Variants in DYNC2H1 observed in about 807,000 individuals in gnomAD.
DYNC2H1 encodes the protein cytoplasmic dynein 2 heavy chain 1.
DYNC2H1 carries 410 observed loss-of-function variants against 570.0 expected under a neutral mutation model. The ratio of observed to expected loss-of-function variants is 0.72; its 90% CI spans 0.66 to 0.78. DYNC2H1 has a LOEUF of 0.78. Ranked by LOEUF, DYNC2H1 falls within the 30% of genes least tolerant of loss-of-function variation. The probability of loss-of-function intolerance (pLI) is 0.00; values close to 1 mark genes in which losing one functional copy is unlikely to be tolerated. For synonymous variants in DYNC2H1, 1,688 were observed against 1,677.6 expected (o/e 1.01, Z -0.15); for missense variants, 4,865 against 5,046.4 (o/e 0.96, Z 1.09).
At chr11:103,329,780 T>C (rs544468901) in intron 82 of DYNC2H1, among the ~76,000 whole-genome samples, 1 of 152,296 alleles carries the variant, frequency 6.6e-6, no homozygotes, top group South Asian at 2.1e-4. Context: ...TTAATGAATA[T>C]TGCTTTTGTT....
At chr11:103,208,286 A>G (rs1863015619) in intron 52 of DYNC2H1, among the ~76,000 whole-genome samples, 1 of 152,170 alleles carries the variant, frequency 6.6e-6, no homozygotes, top group African/African-American at 2.4e-5. Flanking sequence ...AAAGAGTGAC[A>G]GTGAGCCAAG....
Position 103,235,786 on chromosome 11 carries a change from G to A in DYNC2H1, c.9682G>A (p.Glu3228Lys). Residue 3228 changes from glutamate (E) to lysine (K), a missense_variant, in exon 62 of 89, where the codon GAA becomes AAA. Physicochemically the swap from Glu to Lys is moderately conservative, Grantham distance 56. Coordinates refer to ENST00000375735, the MANE Select transcript of DYNC2H1 (RefSeq NM_001377.3). ...PESLRKTCLE[E>K]WTKSAGLEKF... The stretch of plus-strand genomic sequence containing the variant: ...ATCTCTGAGAAAAACCTGTTTGGAA[G>A]AATGGACCAAGTCAGCTGGTCTTGA... 6.2e-7 allele frequency: 1 copy of A among 1,611,564 alleles called. No individual in the cohort carries two copies.
chr11:103,159,300 G>A (rs1411173843), intron 28 of DYNC2H1, among the ~76,000 whole-genome samples: 1 of 152,134 alleles, frequency 6.6e-6, no homozygotes, highest in Admixed American at 6.5e-5. Context: ...GCATCATGAA[G>A]TAAGTGACAT....
rs760266508 is a variant in DYNC2H1 at position 103,255,483 on chromosome 11, G to A, written c.10275G>A (p.Gln3425=). 6.4e-6 allele frequency: 10 copies of A among 1,567,118 alleles called. No individual in the cohort carries two copies. The South Asian group carries it at 1.2e-4, about 18-fold the overall frequency. ...LEEQKTKLLQ[Q]EEDKKIQLAK... ...AACAGAAAACAAAACTATTACAACA[G>A]GAAGAAGATAAGAAAATACAGCTAG... Residue 3425 remains glutamine, a synonymous_variant, in exon 67 of 89, where the codon CAG becomes CAA. Coordinates refer to ENST00000375735, the MANE Select transcript of DYNC2H1 (RefSeq NM_001377.3).
At chr11:103,419,475 G>T (rs1274536552) in intron 84 of DYNC2H1, among the ~76,000 whole-genome samples, 1 of 151,984 alleles carries the variant, frequency 6.6e-6, no homozygotes, top group Non-Finnish European at 1.5e-5. Context: ...CACTGGTGAT[G>T]CCTCCAGATA....
At position 103,261,257 on chromosome 11, in the gene DYNC2H1, G is replaced by T. The variant is rs1865269203; in HGVS notation, c.10695+1280G>T. 6.7e-6 allele frequency among the ~76,000 whole-genome samples: 1 copy of T among 150,218 alleles called. No individual in the cohort carries two copies. Among genetic ancestry groups the T allele is most frequent in the Admixed American group, 6.6e-5 (1 of 15,156 alleles). ...ACAGAGCAGCTGGGGGGAAGGGGTG[G>T]CTGTGGGCGCAGCATCAGCAGACTT... On this transcript the variant is annotated intron_variant, in intron 70 of 88. Transcript: ENST00000375735. The surrounding 1 kb of genome is among the most constrained non-coding windows in gnomAD (Gnocchi z 4.8).
At chr11:103,110,525 C>CA (rs1175546415) in intron 1 of DYNC2H1, among the ~76,000 whole-genome samples, 1 of 151,384 alleles carries the variant, frequency 6.6e-6, no homozygotes, top group African/African-American at 2.4e-5. Context: ...TGATATATTT[C>CA]AAAATAAAGT....
chr11:103,229,211 C>G (rs973289630), intron 59 of DYNC2H1, among the ~76,000 whole-genome samples: 2 of 152,156 alleles, frequency 1.3e-5, no homozygotes, highest in Admixed American at 1.3e-4. Flanking sequence ...TCTCAGGGAG[C>G]CTGCAGTGGT....
intron 87 of DYNC2H1, among the ~76,000 whole-genome samples, chr11:103,458,644 T>G (rs1030698882): frequency 1.4e-5 from 2 of 146,004 alleles, no homozygotes; most frequent in East Asian, 4.1e-4. Context: ...TCTTTCGTAG[T>G]ACAAATTTTT....
rs1185528825 is a variant in DYNC2H1 at position 103,252,502 on chromosome 11, C to T, written c.10043-783C>T. 1.3e-5 allele frequency among the ~76,000 whole-genome samples: 2 copies of T among 152,106 alleles called. No homozygotes were observed. Among genetic ancestry groups the T allele is most frequent in the African/African-American group, 4.8e-5 (2 of 41,434 alleles). On this transcript the variant is annotated intron_variant, in intron 65 of 88. Coordinates refer to ENST00000375735, the MANE Select transcript of DYNC2H1 (RefSeq NM_001377.3). The surrounding 1 kb of genome is among the most constrained non-coding windows in gnomAD (Gnocchi z 4.6). Reference sequence around the variant, plus strand: ...TCCCTTTTCTCCGTATCTTCATCAACATTTGTTATCTCTTGTCTTTTTGAT... The same window carrying T: ...TCCCTTTTCTCCGTATCTTCATCAATATTTGTTATCTCTTGTCTTTTTGAT...
rs1864965605 is a variant in DYNC2H1 at position 103,254,497 on chromosome 11, C to T, written c.10207-918C>T. ...TAACAAATACAATGTACATACCATA[C>T]AACTTGCTGATTTAAAATGTATAAT... On this transcript the variant is annotated intron_variant, in intron 66 of 88. Coordinates refer to ENST00000375735, the MANE Select transcript of DYNC2H1 (RefSeq NM_001377.3). The surrounding 1 kb of genome is among the most constrained non-coding windows in gnomAD (Gnocchi z 4.9). 6.6e-6 allele frequency among the ~76,000 whole-genome samples: 1 copy of T among 152,218 alleles called. No homozygotes were observed. The highest frequency in any genetic ancestry group is 1.5e-5 in the Non-Finnish European group (1 of 68,038).
At chr11:103,271,007 G>A (rs1371627276) in intron 70 of DYNC2H1, among the ~76,000 whole-genome samples, 3 of 152,154 alleles carry the variant, frequency 2.0e-5, no homozygotes, top group South Asian at 2.1e-4. Context: ...GAAAGTTAGT[G>A]TCTGTGCCGC....
At chr11:103,160,861 G>A (rs2134917914) in intron 28 of DYNC2H1, 71 bp from the exon 29 acceptor site, 3 of 801,696 alleles carry the variant, frequency 3.7e-6, no homozygotes, top group South Asian at 4.2e-5. Context: ...TTAACACTAT[G>A]TGACACATAT....
intron 85 of DYNC2H1, among the ~76,000 whole-genome samples, chr11:103,448,267 T>C (rs1194756892): frequency 6.6e-6 from 1 of 152,150 alleles, no homozygotes; most frequent in Non-Finnish European, 1.5e-5. Context: ...TGATCATGTG[T>C]GTGTATGTTC....
At chr11:103,158,614 C>CT in intron 26 of DYNC2H1, 63 bp from the exon 27 acceptor site, 1 of 1,362,002 alleles carries the variant, frequency 7.3e-7, no homozygotes. Flanking sequence ...AAGTCTTAAT[C>CT]TGTTTTTCTT....
chr11:103,123,870 T>C (rs886882612), intron 11 of DYNC2H1, among the ~76,000 whole-genome samples: 1 of 151,670 alleles, frequency 6.6e-6, no homozygotes, highest in African/African-American at 2.4e-5. Flanking sequence ...GAATCATCAG[T>C]GTGTTTTTGG....
chr11:103,412,616 T>C (rs2135691244), intron 84 of DYNC2H1, among the ~76,000 whole-genome samples: 1 of 152,308 alleles, frequency 6.6e-6, no homozygotes, highest in South Asian at 2.1e-4. Flanking sequence ...ACATGCAAGC[T>C]GGTAACACTA....
rs1862095716 is a variant in DYNC2H1 at position 103,186,911 on chromosome 11, G to T, written c.6893+410G>T. Among the ~76,000 whole-genome samples, 3 of 152,106 alleles carry T rather than the reference G, an allele frequency of 2.0e-5. No individual in the cohort carries two copies. The highest frequency in any genetic ancestry group is 4.4e-5 in the Non-Finnish European group (3 of 67,938). ...TAGTTCATATGGAGCATAGTCTCCT[G>T]AAATATAGGAACCATGGTTTATTAT... is the stretch of plus-strand genomic sequence containing the variant. On this transcript the variant is annotated intron_variant, in intron 42 of 88. Coordinates refer to ENST00000375735, the MANE Select transcript of DYNC2H1 (RefSeq NM_001377.3). The surrounding 1 kb of genome is among the most constrained non-coding windows in gnomAD (Gnocchi z 4.5).
At position 103,223,091 on chromosome 11, in the gene DYNC2H1, G is replaced by A. The variant is rs747755473; in HGVS notation, c.9353+5G>A. 1 of 1,597,308 alleles carries A rather than the reference G, an allele frequency of 6.3e-7. No homozygotes were observed. The highest frequency in any genetic ancestry group is 8.5e-7 in the Non-Finnish European group (1 of 1,171,092). ...TGAACAGGCAGGATTAGAATCGTAA[G>A]TGAAATATAAAATATAAACAATTCT... On this transcript the variant is annotated splice_donor_5th_base_variant and intron_variant, in intron 59 of 88. Coordinates refer to ENST00000375735, the MANE Select transcript of DYNC2H1 (RefSeq NM_001377.3).
Sources: allele counts gnomAD v4.1 joint callset (sites outside exome capture counted in the v4.1 genomes callset), GRCh38; gene constraint gnomAD v4.1.1; non-coding constraint Gnocchi (gnomAD v3.1); transcripts MANE v1.5; gene names NCBI Gene and HGNC (gene_info 2026-07-23, HGNC 2026-07-21).